The following FARP2 variants were observed in gnomAD, a reference collection of about 807,000 sequenced individuals.
FARP2 encodes FERM, ARH/RhoGEF and pleckstrin domain protein 2.
FARP2 carries 111 observed loss-of-function variants against 130.5 expected under a neutral mutation model. The observed-to-expected ratio is 0.85, with a 90% CI of 0.73 to 1.00. FARP2 has a LOEUF of 1.00. FARP2 is among the 50% of genes least tolerant of loss of function. The probability of loss-of-function intolerance (pLI) is 0.00; values close to 1 mark genes in which losing one functional copy is unlikely to be tolerated. For synonymous variants in FARP2, 504 were observed against 516.9 expected, an observed-to-expected ratio of 0.98 and a Z score of 0.34; for missense variants, 1,385 against 1,346.3, an observed-to-expected ratio of 1.03 and a Z score of -0.45.
intron 2 of FARP2, among the ~76,000 whole-genome samples, chr2:241,394,204 G>A (rs572382299): frequency 6.6e-6 from 1 of 152,246 alleles, no homozygotes; most frequent in Admixed American, 6.5e-5. Flanking sequence ...GTTTTAAGTC[G>A]AGAAGATTTG....
intron 13 of FARP2, chr2:241,445,507 A>G (rs1207338486): frequency 6.6e-6 from 1 of 152,240 alleles, no homozygotes; most frequent in Admixed American, 6.5e-5. Flanking sequence ...CAGTGGTTAA[A>G]TAGCAAAACT....
chr2:241,379,117 G>A (rs1454372021), intron 2 of FARP2, among the ~76,000 whole-genome samples: 1 of 152,208 alleles, frequency 6.6e-6, no homozygotes, highest in Non-Finnish European at 1.5e-5. Context: ...TGCAGTGGAA[G>A]GAGAGTTGAG....
chr2:241,457,074 G>A, intron 14 of FARP2, 152 bp downstream of exon 14: 1 of 642,864 alleles, frequency 1.6e-6, no homozygotes, highest in African/African-American at 1.9e-5. Context: ...GCAGAGAGGA[G>A]GTACTGGGCC....
Position 241,441,553 on chromosome 2 carries a change from C to G in FARP2, c.1408C>G (p.Pro470Ala). ...PLGPPALQPGPGLSTKSPQPS... is the reference protein window; with the variant it reads ...PLGPPALQPGAGLSTKSPQPS... Reference sequence around the variant, plus strand: ...CGGGCCCCCCGCACTCCAGCCTGGTCCAGGTGTCGGGTTTTGTCATGTCGT... The same window carrying G: ...CGGGCCCCCCGCACTCCAGCCTGGTGCAGGTGTCGGGTTTTGTCATGTCGT... The change falls in exon 13 of 27, where the codon CCA becomes GCA. Residue 470 changes from proline to alanine, a missense_variant. Transcript: ENST00000264042. 6.2e-7 allele frequency: 1 copy of G among 1,614,036 alleles called. No homozygotes were observed. The highest frequency in any genetic ancestry group is 8.5e-7 in the Non-Finnish European group (1 of 1,180,046).
chr2:241,431,332 A>T (rs2063084514), intron 8 of FARP2, among the ~76,000 whole-genome samples: 1 of 152,030 alleles, frequency 6.6e-6, no homozygotes, highest in Non-Finnish European at 1.5e-5. Flanking sequence ...AAAATTAGGC[A>T]AGAGTGGTGT....
chr2:241,457,983 C>A (rs2063908385), intron 14 of FARP2, among the ~76,000 whole-genome samples: 1 of 152,088 alleles, frequency 6.6e-6, no homozygotes, highest in Admixed American at 6.5e-5. Flanking sequence ...CTCTTTTTAT[C>A]AGAGATGATA....
intron 11 of FARP2, among the ~76,000 whole-genome samples, chr2:241,435,977 A>G (rs1196182331): frequency 2.5e-5 from 3 of 121,770 alleles, no homozygotes; most frequent in Non-Finnish European, 4.8e-5. Flanking sequence ...CAGTAGTGTG[A>G]TCTCGGCTCA....
intron 8 of FARP2, among the ~76,000 whole-genome samples, 160 bp from the exon 9 acceptor site, chr2:241,431,519 G>C (rs1353229894): frequency 2.0e-5 from 3 of 152,200 alleles, no homozygotes; most frequent in Non-Finnish European, 4.4e-5. Flanking sequence ...AGATTAATAT[G>C]TTTAGTTATT....
intron 21 of FARP2, among the ~76,000 whole-genome samples, chr2:241,485,250 C>T (rs2064722891): frequency 6.6e-6 from 1 of 151,346 alleles, no homozygotes; most frequent in South Asian, 2.1e-4. Flanking sequence ...GTCCTCCCTC[C>T]CTGGGATCCT....
At chr2:241,461,478 C>T (rs1050806368) in intron 14 of FARP2, among the ~76,000 whole-genome samples, 1 of 152,234 alleles carries the variant, frequency 6.6e-6, no homozygotes, top group Admixed American at 6.5e-5. Context: ...CCACATTGCT[C>T]CAGCCCCTTG....
intron 25 of FARP2, 45 bp downstream of exon 25, chr2:241,493,081 C>CA (rs1218950919): frequency 2.5e-6 from 3 of 1,216,888 alleles, no homozygotes; most frequent in Admixed American, 3.4e-5. Context: ...TGCTAGCAGA[C>CA]AGACACTTAA....
intron 2 of FARP2, among the ~76,000 whole-genome samples, chr2:241,382,466 A>AGAGATGGG (rs1296957682): frequency 6.6e-6 from 1 of 151,678 alleles, no homozygotes; most frequent in Non-Finnish European, 1.5e-5. Flanking sequence ...CATTTTTTGG[A>AGAGATGGG]GAGATGGGGT....
chr2:241,491,404 C>T, intron 23 of FARP2, 112 bp from the exon 24 acceptor site: 6 of 1,244,394 alleles, frequency 4.8e-6, no homozygotes, highest in Non-Finnish European at 6.8e-6. Flanking sequence ...TGGCCTAGCA[C>T]CAAGGGCTCC....
chr2:241,456,548 T>G (rs1439638317), intron 13 of FARP2, 199 bp from the exon 14 acceptor site: 1 of 585,108 alleles, frequency 1.7e-6, no homozygotes, highest in Non-Finnish European at 3.0e-6. Flanking sequence ...ATTGGGTAGA[T>G]GAACCATCAA....
intron 2 of FARP2, among the ~76,000 whole-genome samples, chr2:241,401,586 C>T (rs1479860373): frequency 6.6e-6 from 1 of 152,032 alleles, no homozygotes; most frequent in East Asian, 1.9e-4. Flanking sequence ...TGATCTTGAA[C>T]TCCAGGCCTC....
chr2:241,397,892 T>G (rs1261421517), intron 2 of FARP2, among the ~76,000 whole-genome samples: 1 of 147,970 alleles, frequency 6.8e-6, no homozygotes, highest in African/African-American at 2.5e-5. Flanking sequence ...TGCAGTGGCG[T>G]GATCTTGGCT....
chr2:241,412,933 C>T (rs756905539), intron 6 of FARP2, among the ~76,000 whole-genome samples: 2 of 152,106 alleles, frequency 1.3e-5, no homozygotes, highest in South Asian at 2.1e-4. Context: ...GAGGCTGAGG[C>T]GGGCAGATTG....
chr2:241,452,970 G>A (rs935917662), intron 13 of FARP2, among the ~76,000 whole-genome samples: 2 of 151,566 alleles, frequency 1.3e-5, no homozygotes, highest in African/African-American at 2.4e-5. Flanking sequence ...ATGTTTAACG[G>A]TAATTTGTGG....
chr2:241,491,426 G>A (rs2064905015), intron 23 of FARP2, 90 bp from the exon 24 acceptor site: 2 of 1,417,798 alleles, frequency 1.4e-6, no homozygotes, highest in East Asian at 2.3e-5. Flanking sequence ...CATTTCCCCA[G>A]GACCCCCGAG....
Sources: allele counts gnomAD v4.1 joint callset (sites outside exome capture counted in the v4.1 genomes callset), GRCh38; gene constraint gnomAD v4.1.1; transcripts MANE v1.5; gene names NCBI Gene and HGNC (gene_info 2026-07-23, HGNC 2026-07-21).